The following TTC21B variants were observed in gnomAD, a reference collection of about 807,000 sequenced individuals.
The protein encoded by TTC21B is tetratricopeptide repeat protein 21B.
Under a neutral mutation model 175.1 loss-of-function variants are expected in TTC21B, and 127 were observed. The ratio of observed to expected loss-of-function variants is 0.73; its 90% confidence interval spans 0.63 to 0.84. TTC21B has a LOEUF of 0.84. Ranked by LOEUF, TTC21B falls within the 40% of genes least tolerant of loss-of-function variation. The probability of loss-of-function intolerance (pLI) is 0.00; values close to 1 mark genes in which losing one functional copy is unlikely to be tolerated. For synonymous variants in TTC21B, 524 were observed against 524.5 expected, an observed-to-expected ratio of 1.00 and a Z score of 0.01; for missense variants, 1,561 against 1,558.3, an observed-to-expected ratio of 1.00 and a Z score of -0.03.
At chr2:165,896,831 T>C (rs926737601) in intron 22 of TTC21B, among the ~76,000 whole-genome samples, 2 of 152,248 alleles carry the variant, frequency 1.3e-5, no homozygotes, top group African/African-American at 2.4e-5. Context: ...AGCTAAAAGA[T>C]AACATTTCCC....
At chr2:165,908,277 A>G (rs914947414) in intron 18 of TTC21B, among the ~76,000 whole-genome samples, 1 of 152,174 alleles carries the variant, frequency 6.6e-6, no homozygotes, top group Non-Finnish European at 1.5e-5. Flanking sequence ...TCTAATTTTG[A>G]GCAAGGTACT....
intron 22 of TTC21B, among the ~76,000 whole-genome samples, chr2:165,893,209 A>T (rs1685252757): frequency 6.6e-6 from 1 of 152,220 alleles, no homozygotes; most frequent in South Asian, 2.1e-4. Context: ...ACAGAAATAA[A>T]GGCATGAAAA....
chr2:165,882,341 C>G (rs1434354348), intron 26 of TTC21B, among the ~76,000 whole-genome samples: 1 of 152,168 alleles, frequency 6.6e-6, no homozygotes, highest in African/African-American at 2.4e-5. Flanking sequence ...GCAGTCAGTT[C>G]ACTAGCATAC....
At chr2:165,888,158 AT>A (rs1248986073) in intron 25 of TTC21B, 120 bp downstream of exon 25, 3 of 799,744 alleles carry the variant, frequency 3.8e-6, no homozygotes, top group South Asian at 1.7e-5. Flanking sequence ...TATATACCTA[AT>A]TTTTAATAAA....
At chr2:165,951,494 G>A (rs186768279) in intron 1 of TTC21B, among the ~76,000 whole-genome samples, 16 of 152,216 alleles carry the variant, frequency 1.1e-4, no homozygotes, top group African/African-American at 3.6e-4. Flanking sequence ...CTATGTTCCA[G>A]ATTCATATTT....
Position 165,890,987 on chromosome 2 carries a change from A to G in TTC21B, c.2952T>C (p.Asp984=). 6.2e-7 allele frequency: 1 copy of G among 1,610,740 alleles called. No individual in the cohort carries two copies. The highest frequency in any genetic ancestry group is 8.5e-7 in the Non-Finnish European group (1 of 1,177,146). ...HLQQLLERKP[D]NYMTLSRLID... ...TCAAACGAGATAATGTCATATAATT[A>G]TCTAGAAACAAATAATACTTCAGAT... The change falls in exon 23 of 29, where the codon GAT becomes GAC. Residue 984 remains aspartate (D), a splice_region_variant and synonymous_variant. Coordinates refer to ENST00000243344, the MANE Select transcript of TTC21B (RefSeq NM_024753.5).
chr2:165,890,448 T>G, intron 24 of TTC21B, 31 bp downstream of exon 24: 1 of 1,609,432 alleles, frequency 6.2e-7, no homozygotes, highest in South Asian at 1.1e-5. Context: ...CAAGTGTTTT[T>G]TAAAAAAGGA....
At chr2:165,938,782 G>A (rs1230845254) in intron 6 of TTC21B, among the ~76,000 whole-genome samples, 1 of 151,954 alleles carries the variant, frequency 6.6e-6, no homozygotes, top group Non-Finnish European at 1.5e-5. Flanking sequence ...AAGAAAGAGT[G>A]AGAAAGAACT....
intron 27 of TTC21B, among the ~76,000 whole-genome samples, chr2:165,878,623 G>A (rs180966562): frequency 2.2e-4 from 34 of 151,438 alleles, no homozygotes; most frequent in Admixed American, 4.6e-4. Context: ...ATTCATCCTG[G>A]TGCCTCTTAT....
chr2:165,924,956 T>C (rs1686574556), intron 11 of TTC21B, among the ~76,000 whole-genome samples: 2 of 77,554 alleles, frequency 2.6e-5, no homozygotes, highest in African/African-American at 6.5e-5. Flanking sequence ...AAGTGGGTAT[T>C]ATCTATTCAA....
At chr2:165,876,300 T>C in intron 27 of TTC21B, 68 bp from the exon 28 acceptor site, 1 of 992,784 alleles carries the variant, frequency 1.0e-6, no homozygotes, top group Non-Finnish European at 1.6e-6. Context: ...CCTTGCCTCC[T>C]CCTCTCTTTG....
At chr2:165,890,681 A>G in intron 23 of TTC21B, 41 bp from the exon 24 acceptor site, 1 of 1,593,992 alleles carries the variant, frequency 6.3e-7, no homozygotes, top group South Asian at 1.1e-5. Flanking sequence ...TCAATCACTG[A>G]CTACAAAATT....
intron 3 of TTC21B, 67 bp downstream of exon 3, chr2:165,949,327 A>G: frequency 8.7e-7 from 1 of 1,149,482 alleles, no homozygotes; most frequent in South Asian, 1.2e-5. Flanking sequence ...ATGACTTGGT[A>G]ACTGAGAAAA....
At chr2:165,918,195 T>C (rs1686249752) in intron 13 of TTC21B, among the ~76,000 whole-genome samples, 1 of 152,222 alleles carries the variant, frequency 6.6e-6, no homozygotes, top group Non-Finnish European at 1.5e-5. Context: ...CTTGTGCTCC[T>C]TCCTCAGAGA....
At chr2:165,902,950 G>GT (rs773279159) in intron 19 of TTC21B, among the ~76,000 whole-genome samples, 1 of 152,170 alleles carries the variant, frequency 6.6e-6, no homozygotes, top group Non-Finnish European at 1.5e-5. Context: ...CACCTCAGGG[G>GT]TAAGGGTACC....
chr2:165,949,360 A>G (rs1264136559), intron 3 of TTC21B, 34 bp downstream of exon 3: 1 of 1,479,672 alleles, frequency 6.8e-7, no homozygotes, highest in Admixed American at 1.7e-5. Context: ...TGAATAGGAA[A>G]AAATGTCCTA....
intron 20 of TTC21B, among the ~76,000 whole-genome samples, chr2:165,901,382 G>A (rs935143749): frequency 2.6e-5 from 4 of 151,962 alleles, no homozygotes; most frequent in African/African-American, 4.8e-5. Context: ...GCAGTGGCGC[G>A]ATCTTGGGTC....
At chr2:165,882,356 G>A (rs924897416) in intron 26 of TTC21B, among the ~76,000 whole-genome samples, 1 of 152,198 alleles carries the variant, frequency 6.6e-6, no homozygotes, top group Non-Finnish European at 1.5e-5. Context: ...GCATACTGCA[G>A]TGGTTACCAA....
intron 18 of TTC21B, among the ~76,000 whole-genome samples, chr2:165,909,899 G>A (rs762333210): frequency 5.3e-5 from 8 of 152,156 alleles, no homozygotes; most frequent in Non-Finnish European, 1.2e-4. Context: ...CAGAATTATA[G>A]GTGTACTATA....
Sources: allele counts gnomAD v4.1 joint callset (sites outside exome capture counted in the v4.1 genomes callset), GRCh38; gene constraint gnomAD v4.1.1; transcripts MANE v1.5; gene names NCBI Gene and HGNC (gene_info 2026-07-23, HGNC 2026-07-21).